The following GPHN variants were observed in gnomAD, a reference collection of about 807,000 sequenced individuals.
The protein encoded by GPHN is gephyrin.
A neutral mutation model predicts 95.5 loss-of-function variants in GPHN; 17 were observed. That is an observed-to-expected ratio of 0.18 (90% CI 0.12 to 0.27). The LOEUF (loss-of-function observed/expected upper bound fraction) is 0.27, where lower values mean the gene tolerates loss of function less well. Ranked by LOEUF, GPHN falls within the 10% of genes least tolerant of loss-of-function variation. The probability of loss-of-function intolerance (pLI) is 1.00; values close to 1 mark genes in which losing one functional copy is unlikely to be tolerated. For synonymous variants in GPHN, 320 were observed against 322.5 expected (o/e 0.99, Z 0.08); for missense variants, 660 against 978.1 (o/e 0.67, Z 4.34).
the GPHN span, chr14:67,706,300 G>A: frequency 2.0e-5 from 3 of 152,208 alleles, no homozygotes; most frequent in East Asian, 5.8e-4. Context: ...TGGATTTTGT[G>A]ATATTTGTAG....
intron 5 of GPHN, among the ~76,000 whole-genome samples, chr14:66,887,139 C>G (rs903681847): frequency 1.3e-5 from 2 of 152,152 alleles, no homozygotes; most frequent in African/African-American, 2.4e-5. Context: ...GGAGAAACTA[C>G]TTAACCTGAA....
At chr14:66,977,661 A>C (rs930525336) in intron 9 of GPHN, among the ~76,000 whole-genome samples, 1 of 152,236 alleles carries the variant, frequency 6.6e-6, no homozygotes, top group African/African-American at 2.4e-5. Context: ...AAGAATATTT[A>C]ATGACATGAG....
chr14:67,677,462 A>T, the GPHN span: 1 of 126,564 alleles, frequency 7.9e-6, no homozygotes, highest in Non-Finnish European at 1.6e-5. Flanking sequence ...TAGCTATGTT[A>T]GCATATTTAA....
the GPHN span, chr14:67,559,711 T>C: frequency 1.3e-6 from 2 of 1,540,922 alleles, no homozygotes; most frequent in Non-Finnish European, 1.8e-6. Context: ...AAACTCATCT[T>C]GGAGGCCTGC....
chr14:66,769,138 A>G (rs527974149), intron 2 of GPHN, among the ~76,000 whole-genome samples: 215 of 152,194 alleles, frequency 1.4e-3, no homozygotes, highest in Admixed American at 3.7e-3. Flanking sequence ...GTCTCAAGAC[A>G]GTGAAGCATA....
chr14:67,579,602 T>C, the GPHN span: 1 of 992,336 alleles, frequency 1.0e-6, no homozygotes, highest in Non-Finnish European at 1.5e-6. Flanking sequence ...ACCAACTTGC[T>C]TTGGCCTTTT....
At chr14:67,311,310 CAA>C in the GPHN span, among the ~76,000 whole-genome samples, 9 of 63,946 alleles carry the variant, frequency 1.4e-4, no homozygotes, top group East Asian at 3.3e-4. Flanking sequence ...GACTCCGTCT[CAA>C]AAAAAAAAAA....
chr14:67,384,949 GCTT>G, the GPHN span: 2 of 152,180 alleles, frequency 1.3e-5, no homozygotes, highest in East Asian at 1.9e-4. Context: ...TATAACAGGT[GCTT>G]CTTTGTTGTA....
chr14:66,753,728 T>C (rs8007064), intron 2 of GPHN, among the ~76,000 whole-genome samples: 47,749 of 151,956 alleles, frequency 0.31, 11,484 homozygotes, highest in African/African-American at 0.65. Flanking sequence ...ACCTTATATA[T>C]CATAAAATTT....
At chr14:67,094,731 C>T (rs2077280964) in intron 12 of GPHN, among the ~76,000 whole-genome samples, 1 of 152,146 alleles carries the variant, frequency 6.6e-6, no homozygotes, top group African/African-American at 2.4e-5. Context: ...GAGTCAAAAA[C>T]AGACTCTTAC....
intron 1 of GPHN, among the ~76,000 whole-genome samples, chr14:66,616,552 C>T (rs935470101): frequency 1.3e-5 from 2 of 151,984 alleles, no homozygotes; most frequent in Non-Finnish European, 2.9e-5. Context: ...AGATGTCACT[C>T]AAGGAGGCTG....
At chr14:67,370,704 A>G in the GPHN span, among the ~76,000 whole-genome samples, 2 of 152,208 alleles carry the variant, frequency 1.3e-5, no homozygotes, top group African/African-American at 2.4e-5. Context: ...GAGAAATTGA[A>G]TTTATTGTAA....
At chr14:67,706,354 A>T in the GPHN span, 1 of 152,252 alleles carries the variant, frequency 6.6e-6, no homozygotes, top group Admixed American at 6.5e-5. Context: ...TAATTTAGAA[A>T]GTTTATTTTC....
chr14:67,212,662 A>G, the GPHN span, among the ~76,000 whole-genome samples: 1 of 147,160 alleles, frequency 6.8e-6, no homozygotes, highest in African/African-American at 2.5e-5. Flanking sequence ...TATAATATAT[A>G]TTTACACATA....
At chr14:67,590,887 G>A in the GPHN span, among the ~76,000 whole-genome samples, 127 of 152,206 alleles carry the variant, frequency 8.3e-4, no homozygotes, top group Non-Finnish European at 1.5e-3. Flanking sequence ...AAAACAAAAT[G>A]GACCCTTGAG....
the GPHN span, among the ~76,000 whole-genome samples, chr14:67,623,511 A>G: frequency 8.5e-5 from 12 of 141,402 alleles, no homozygotes; most frequent in African/African-American, 3.1e-4. Flanking sequence ...TAGTAAGGAC[A>G]CTCAACAGTA....
chr14:66,846,319 A>T (rs544404979), intron 4 of GPHN, among the ~76,000 whole-genome samples: 1 of 152,316 alleles, frequency 6.6e-6, no homozygotes, highest in East Asian at 1.9e-4. Context: ...TTCACTAGAT[A>T]CAAAAATTCT....
chr14:67,408,295 TAAATAAAATA>T, the GPHN span, among the ~76,000 whole-genome samples: 24,154 of 116,564 alleles, frequency 0.21, 2,696 homozygotes, highest in Non-Finnish European at 0.26. Flanking sequence ...TCAAAATAAA[TAAATAAAATA>T]AAATAAAATA....
intron 1 of GPHN, among the ~76,000 whole-genome samples, chr14:66,519,303 C>T (rs769896245): frequency 6.6e-6 from 1 of 151,730 alleles, no homozygotes; most frequent in East Asian, 1.9e-4. Context: ...TAGTGTTAAC[C>T]ACTTAAAAAA....
Sources: allele counts gnomAD v4.1 joint callset (sites outside exome capture counted in the v4.1 genomes callset), GRCh38; gene constraint gnomAD v4.1.1; transcripts MANE v1.5; gene names NCBI Gene and HGNC (gene_info 2026-07-23, HGNC 2026-07-21).